ZNF560: variants seen among roughly 807,000 people sequenced by gnomAD.
The protein encoded by ZNF560 is zinc finger protein 560.
A neutral mutation model predicts 81.8 loss-of-function variants in ZNF560; 54 were observed. The observed-to-expected ratio is 0.66, with a 90% CI of 0.53 to 0.83. ZNF560 has a LOEUF of 0.83. Ranked by LOEUF, ZNF560 falls within the 40% of genes least tolerant of loss-of-function variation. The probability of loss-of-function intolerance (pLI) is 0.00; values close to 1 mark genes in which losing one functional copy is unlikely to be tolerated. For synonymous variants in ZNF560, 321 were observed against 317.9 expected (o/e 1.01, Z -0.10); for missense variants, 940 against 932.4 (o/e 1.01, Z -0.11).
At chr19:9,489,041 C>G (rs777076437) in intron 2 of ZNF560, among the ~76,000 whole-genome samples, 4 of 152,230 alleles carry the variant, frequency 2.6e-5, no homozygotes, top group Non-Finnish European at 4.4e-5. Flanking sequence ...GCAGAAGTCA[C>G]TATGCTTCCT....
At chr19:9,483,413 G>C (rs2073327819) in intron 2 of ZNF560, among the ~76,000 whole-genome samples, 1 of 151,012 alleles carries the variant, frequency 6.6e-6, no homozygotes, top group African/African-American at 2.4e-5. Flanking sequence ...GAAGTGAGGA[G>C]CCCCTCCGCC....
At chr19:9,488,982 C>T (rs1197343668) in intron 2 of ZNF560, among the ~76,000 whole-genome samples, 2 of 152,248 alleles carry the variant, frequency 1.3e-5, no homozygotes, top group Admixed American at 6.5e-5. Context: ...GTACCTACTC[C>T]TGCTTCACCT....
intron 2 of ZNF560, among the ~76,000 whole-genome samples, chr19:9,488,875 C>A (rs1214640572): frequency 1.3e-5 from 2 of 152,088 alleles, no homozygotes; most frequent in Non-Finnish European, 2.9e-5. Flanking sequence ...TGGTTTAGCA[C>A]CATCTCCTTT....
chr19:9,476,300 T>C (rs2073201464), intron 2 of ZNF560, among the ~76,000 whole-genome samples: 1 of 151,890 alleles, frequency 6.6e-6, no homozygotes, highest in Non-Finnish European at 1.5e-5. Flanking sequence ...TTTTTGTTTG[T>C]TTTTGTTTTT....
At chr19:9,465,764 G>A (rs1426900153), downstream of ZNF560, among the ~76,000 whole-genome samples, 2 of 152,164 alleles carry the variant, frequency 1.3e-5, no homozygotes, top group South Asian at 2.1e-4. Context: ...AGGCCAAGGC[G>A]GGCAGATTAC....
chr19:9,502,436 T>C (rs547539530), upstream of ZNF560, among the ~76,000 whole-genome samples: 5 of 152,236 alleles, frequency 3.3e-5, 1 homozygote, highest in South Asian at 1.0e-3. Flanking sequence ...GGTCTTGATC[T>C]CTTTACCTTG....
chr19:9,492,109 T>G (rs1244018212), intron 2 of ZNF560, among the ~76,000 whole-genome samples: 1 of 151,868 alleles, frequency 6.6e-6, no homozygotes, highest in Non-Finnish European at 1.5e-5. Flanking sequence ...TGCTCCTGAG[T>G]AGCTAGGACT....
At chr19:9,493,589 T>C (rs1303902247) in intron 2 of ZNF560, among the ~76,000 whole-genome samples, 1 of 152,060 alleles carries the variant, frequency 6.6e-6, no homozygotes, top group Non-Finnish European at 1.5e-5. Context: ...CTCAAACTCC[T>C]GACGTCAAGT....
At chr19:9,499,732 A>C (rs1376886002), upstream of ZNF560, among the ~76,000 whole-genome samples, 2 of 152,162 alleles carry the variant, frequency 1.3e-5, no homozygotes, top group East Asian at 1.9e-4. Context: ...TGAATATACA[A>C]TATCTCTCTA....
At position 9,467,081 on chromosome 19, in the gene ZNF560, G is replaced by A. The variant is rs755093068; in HGVS notation, c.1866C>T (p.His622=). ...TATATTCATAGGGCTTATCTCCAGT[G>A]TGTCTTCGTAAATGTTTAGTAAGAT... ...RSDLTKHLRR[H]TGDKPYEYKD... is the part of the protein sequence containing the mutation. The change falls in exon 10 of 10, where the codon CAC becomes CAT. Residue 622 remains histidine (H), a synonymous_variant. Coordinates refer to ENST00000301480, the MANE Select transcript of ZNF560 (RefSeq NM_152476.3). 21 of 1,613,994 alleles carry A rather than the reference G, an allele frequency of 1.3e-5. No individual in the cohort carries two copies. Among genetic ancestry groups the A allele is most frequent in the Non-Finnish European group, 1.6e-5 (19 of 1,180,012 alleles).
downstream of ZNF560, among the ~76,000 whole-genome samples, chr19:9,464,453 G>A (rs116209395): frequency 7.6e-3 from 1,156 of 152,226 alleles, 15 homozygotes; most frequent in African/African-American, 0.026. Context: ...GTCCCTCCAC[G>A]GCCATGAAAT....
chr19:9,474,483 T>C (rs753797871), intron 3 of ZNF560, among the ~76,000 whole-genome samples, 158 bp from the exon 4 acceptor site: 2 of 152,176 alleles, frequency 1.3e-5, no homozygotes, highest in Non-Finnish European at 2.9e-5. Context: ...GGTATTCCTC[T>C]CTCTATCCTT....
intron 7 of ZNF560, 98 bp from the exon 8 acceptor site, chr19:9,469,808 A>G: frequency 1.0e-6 from 1 of 977,914 alleles, no homozygotes; most frequent in Non-Finnish European, 1.6e-6. Flanking sequence ...AAAGCAGTGA[A>G]AAGCACTTAA....
intron 2 of ZNF560, among the ~76,000 whole-genome samples, chr19:9,482,453 AGAAG>A (rs550271982): frequency 7.3e-4 from 108 of 148,488 alleles, no homozygotes; most frequent in Non-Finnish European, 9.4e-4. Flanking sequence ...GGGAAGGGGG[AGAAG>A]GAAGGAAGGA....
At chr19:9,465,880 G>A (rs1166348547), downstream of ZNF560, among the ~76,000 whole-genome samples, 1 of 152,162 alleles carries the variant, frequency 6.6e-6, no homozygotes, top group African/African-American at 2.4e-5. Flanking sequence ...TATAATCCCA[G>A]CTACTCGGGA....
chr19:9,450,124 C>G, the ZNF560 span, among the ~76,000 whole-genome samples: 2 of 151,702 alleles, frequency 1.3e-5, no homozygotes, highest in African/African-American at 4.8e-5. Context: ...AACCCTGTCT[C>G]TATTAAAAAT....
chr19:9,490,833 T>C (rs1033371333), intron 2 of ZNF560, among the ~76,000 whole-genome samples: 3 of 152,138 alleles, frequency 2.0e-5, no homozygotes, highest in African/African-American at 7.2e-5. Flanking sequence ...TCTCACCCAA[T>C]CACCAGACCT....
chr19:9,497,484 G>A (rs1309531392), intron 2 of ZNF560, among the ~76,000 whole-genome samples: 2 of 139,002 alleles, frequency 1.4e-5, no homozygotes, highest in Non-Finnish European at 3.1e-5. Flanking sequence ...GCAGTGAGGC[G>A]AGATCGCGCC....
chr19:9,501,709 G>A (rs1002029599), upstream of ZNF560, among the ~76,000 whole-genome samples: 1 of 151,538 alleles, frequency 6.6e-6, no homozygotes, highest in African/African-American at 2.4e-5. Context: ...ATGTTACCCA[G>A]GCTGGCCTCC....
Sources: gnomAD v4.1 joint callset for allele counts (sites outside exome capture counted in the v4.1 genomes callset) on GRCh38, gnomAD v4.1.1 for gene constraint, MANE v1.5 for transcripts, NCBI Gene and HGNC (gene_info 2026-07-23, HGNC 2026-07-21) for gene names.